The following SCARA3 variants were observed in gnomAD, a reference collection of about 807,000 sequenced individuals.
The protein encoded by SCARA3 is cellular stress response gene protein.
SCARA3 carries 39 observed loss-of-function variants against 47.0 expected under a neutral mutation model. The ratio of observed to expected loss-of-function variants is 0.83; its 90% CI spans 0.64 to 1.08. SCARA3 has a LOEUF of 1.08. SCARA3 is among the 50% of genes least tolerant of loss of function. The pLI is 0.00. For missense variants in SCARA3, 724 were observed against 792.3 expected, an observed-to-expected ratio of 0.91 and a Z score of 1.04; for synonymous variants, 356 against 334.1, an observed-to-expected ratio of 1.07 and a Z score of -0.71.
the SCARA3 span, among the ~76,000 whole-genome samples, chr8:27,706,968 C>T: frequency 1.3e-5 from 2 of 152,020 alleles, no homozygotes; most frequent in Admixed American, 6.6e-5. Context: ...CTTCAGAATG[C>T]TAGCAGTCAA....
At chr8:27,695,300 G>A in the SCARA3 span, among the ~76,000 whole-genome samples, 1 of 152,156 alleles carries the variant, frequency 6.6e-6, no homozygotes, top group Non-Finnish European at 1.5e-5. Flanking sequence ...GAAGTTAGAG[G>A]GTCTGGGTTT....
intron 5 of SCARA3, among the ~76,000 whole-genome samples, chr8:27,660,615 A>AGAC (rs1563410163): frequency 4.5e-5 from 5 of 110,090 alleles, no homozygotes; most frequent in African/African-American, 1.7e-4. Context: ...GCATAGAGAT[A>AGAC]GATGATAGAT....
downstream of SCARA3, among the ~76,000 whole-genome samples, chr8:27,674,548 A>G (rs1481115782): frequency 6.6e-6 from 1 of 151,838 alleles, no homozygotes; most frequent in Non-Finnish European, 1.5e-5. Context: ...CTGCTCGGTT[A>G]TTTTCTGGAA....
the SCARA3 span, among the ~76,000 whole-genome samples, chr8:27,706,511 G>A: frequency 6.6e-6 from 1 of 152,096 alleles, no homozygotes; most frequent in Non-Finnish European, 1.5e-5. Flanking sequence ...TTCCAGTAGG[G>A]GAATGAGATG....
downstream of SCARA3, among the ~76,000 whole-genome samples, chr8:27,675,188 C>T (rs944726326): frequency 6.6e-6 from 1 of 152,188 alleles, no homozygotes; most frequent in Admixed American, 6.5e-5. Context: ...GGCAAGCCTT[C>T]TGCCGTCCCT....
At chr8:27,732,708 C>T in the SCARA3 span, among the ~76,000 whole-genome samples, 1 of 152,192 alleles carries the variant, frequency 6.6e-6, no homozygotes, top group Non-Finnish European at 1.5e-5. Flanking sequence ...CCCCAGAACA[C>T]TAGCAGCTAA....
At chr8:27,666,117 T>C (rs875878) in intron 5 of SCARA3, among the ~76,000 whole-genome samples, 15,993 of 152,258 alleles carry the variant, frequency 0.11, 956 homozygotes, top group East Asian at 0.27. Flanking sequence ...GCCCAACGAG[T>C]TACCTGCGGA....
At chr8:27,703,844 C>CTTTTTTTTTTTTTTTT in the SCARA3 span, 15 of 54,524 alleles carry the variant, frequency 2.8e-4, 2 homozygotes, top group African/African-American at 6.6e-4. Context: ...GTGCTTTCTA[C>CTTTTTTTTTTTTTTTT]TTTTTTTTTT....
the SCARA3 span, among the ~76,000 whole-genome samples, chr8:27,689,867 TA>T: frequency 6.6e-6 from 1 of 152,172 alleles, no homozygotes; most frequent in Non-Finnish European, 1.5e-5. Context: ...CTCAAGCTGG[TA>T]ATCTTAGCAC....
At chr8:27,722,504 C>T in the SCARA3 span, among the ~76,000 whole-genome samples, 193 of 152,248 alleles carry the variant, frequency 1.3e-3, 3 homozygotes, top group East Asian at 0.026. Context: ...CCTCCAAACC[C>T]TCGTGCCTCC....
chr8:27,707,480 C>CAA, the SCARA3 span, among the ~76,000 whole-genome samples: 113 of 149,124 alleles, frequency 7.6e-4, no homozygotes, highest in Middle Eastern at 3.4e-3. Flanking sequence ...ATTAATAAGT[C>CAA]AAAAAAAAAC....
chr8:27,669,486 T>A (rs547610827), intron 5 of SCARA3, among the ~76,000 whole-genome samples: 1 of 152,356 alleles, frequency 6.6e-6, no homozygotes, highest in South Asian at 2.1e-4. Flanking sequence ...CTCTGGCTGC[T>A]GAGCTGCCAG....
intron 1 of SCARA3, 79 bp from the exon 2 acceptor site, chr8:27,649,623 T>A: frequency 7.5e-7 from 1 of 1,330,516 alleles, no homozygotes; most frequent in Non-Finnish European, 1.1e-6. Context: ...GGGCATGGGA[T>A]ATGGGGACAG....
At chr8:27,698,662 T>C in the SCARA3 span, among the ~76,000 whole-genome samples, 2,217 of 152,268 alleles carry the variant, frequency 0.015, 58 homozygotes, top group African/African-American at 0.051. Flanking sequence ...GATTTACCAA[T>C]ATCATAATAT....
the SCARA3 span, among the ~76,000 whole-genome samples, chr8:27,732,351 C>T: frequency 6.6e-6 from 1 of 152,178 alleles, no homozygotes; most frequent in Non-Finnish European, 1.5e-5. Context: ...CTTGCCAGGT[C>T]GGTGCCACTC....
downstream of SCARA3, among the ~76,000 whole-genome samples, chr8:27,674,735 T>TC (rs1462290980): frequency 6.9e-6 from 1 of 145,788 alleles, no homozygotes; most frequent in East Asian, 2.0e-4. Context: ...CTTTTTTTTT[T>TC]TTTTTTTTTT....
At chr8:27,642,376 G>A (rs533643057) in intron 1 of SCARA3, among the ~76,000 whole-genome samples, 30 of 152,254 alleles carry the variant, frequency 2.0e-4, no homozygotes, top group Admixed American at 5.9e-4. Flanking sequence ...TTTCATATAC[G>A]TCTCATTGGA....
At chr8:27,707,821 C>CAAAA in the SCARA3 span, among the ~76,000 whole-genome samples, 47 of 142,500 alleles carry the variant, frequency 3.3e-4, no homozygotes, top group East Asian at 4.8e-3. Context: ...GAAAAACTTC[C>CAAAA]AAAAAAAAAA....
chr8:27,731,705 C>T, the SCARA3 span, among the ~76,000 whole-genome samples: 31,651 of 150,350 alleles, frequency 0.21, 4,288 homozygotes, highest in Middle Eastern at 0.34. Flanking sequence ...CTATTTCAGA[C>T]CTTCCAGCTG....
Sources: gnomAD v4.1 joint callset for allele counts (sites outside exome capture counted in the v4.1 genomes callset) on GRCh38, gnomAD v4.1.1 for gene constraint, MANE v1.5 for transcripts, NCBI Gene and HGNC (gene_info 2026-07-23, HGNC 2026-07-21) for gene names.